Variants in UTRN observed in about 807,000 individuals in gnomAD.
UTRN encodes the protein dystrophin-related protein 1.
UTRN carries 283 observed loss-of-function variants against 463.9 expected under a neutral mutation model. The observed-to-expected ratio is 0.61, with a 90% confidence interval of 0.55 to 0.67. UTRN has a LOEUF of 0.67. Ranked by LOEUF, UTRN falls within the 30% of genes least tolerant of loss-of-function variation. The pLI is 0.00. For missense variants in UTRN, 3,922 were observed against 4,084.3 expected, an observed-to-expected ratio of 0.96 and a Z score of 1.08; for synonymous variants, 1,442 against 1,431.5, an observed-to-expected ratio of 1.01 and a Z score of -0.17.
chr6:144,730,553 T>A, intron 54 of UTRN, 67 bp downstream of exon 54: 1 of 1,449,128 alleles, frequency 6.9e-7, no homozygotes, highest in Non-Finnish European at 9.1e-7. Context: ...CAAAATCAAG[T>A]AGGAAATTTC....
At chr6:144,293,894 ATG>A (rs57561876) in intron 2 of UTRN, among the ~76,000 whole-genome samples, 18,246 of 148,158 alleles carry the variant, frequency 0.12, 1,414 homozygotes, top group African/African-American at 0.23. Context: ...GATGTGTGTG[ATG>A]TGTGTGTGTG....
chr6:144,667,839 A>AT (rs1367504624), intron 51 of UTRN, among the ~76,000 whole-genome samples: 1 of 152,172 alleles, frequency 6.6e-6, no homozygotes, highest in African/African-American at 2.4e-5. Context: ...AGAACCTTGA[A>AT]TCATTATCTG....
At chr6:144,628,165 A>C (rs370448886) in intron 51 of UTRN, among the ~76,000 whole-genome samples, 1 of 152,022 alleles carries the variant, frequency 6.6e-6, no homozygotes, top group African/African-American at 2.4e-5. Context: ...TTTATCATCT[A>C]TGGGTACTTG....
chr6:144,474,916 A>G (rs1374239466), intron 25 of UTRN, among the ~76,000 whole-genome samples, 157 bp downstream of exon 25: 2 of 152,138 alleles, frequency 1.3e-5, no homozygotes, highest in African/African-American at 2.4e-5. Flanking sequence ...AAAAGGCATC[A>G]TTTTTTAAAT....
intron 2 of UTRN, among the ~76,000 whole-genome samples, chr6:144,308,507 GGT>G (rs1008876453): frequency 5.9e-5 from 9 of 152,054 alleles, no homozygotes; most frequent in African/African-American, 2.2e-4. Context: ...TGCCCAGGCT[GGT>G]CTCAAACTCC....
intron 2 of UTRN, among the ~76,000 whole-genome samples, chr6:144,368,304 A>G (rs1411299411): frequency 6.6e-6 from 1 of 152,234 alleles, no homozygotes; most frequent in Admixed American, 6.5e-5. Context: ...CAAACCAGAA[A>G]GACATATGAC....
intron 64 of UTRN, among the ~76,000 whole-genome samples, chr6:144,798,589 A>C (rs748872173): frequency 2.6e-5 from 4 of 151,784 alleles, no homozygotes; most frequent in Non-Finnish European, 4.4e-5. Context: ...ATCCTGATCC[A>C]CTCCTCTTAA....
intron 1 of UTRN, among the ~76,000 whole-genome samples, chr6:144,288,137 A>G (rs953070392): frequency 6.6e-6 from 1 of 152,250 alleles, no homozygotes; most frequent in Non-Finnish European, 1.5e-5. Context: ...GGCTATCACT[A>G]TTTAAATAGC....
At chr6:144,527,152 C>T (rs537459740) in intron 41 of UTRN, among the ~76,000 whole-genome samples, 13 of 152,268 alleles carry the variant, frequency 8.5e-5, no homozygotes, top group African/African-American at 3.1e-4. Context: ...GGATTTGTTT[C>T]AAGACTTAGA....
At chr6:144,436,187 G>A (rs768335113) in intron 10 of UTRN, 49 bp downstream of exon 10, 2 of 1,550,456 alleles carry the variant, frequency 1.3e-6, no homozygotes, top group Non-Finnish European at 1.8e-6. Context: ...CGGGACCTGA[G>A]CCTTAATCAG....
chr6:144,819,385 GT>G (rs1470685516), intron 65 of UTRN, among the ~76,000 whole-genome samples: 9 of 152,196 alleles, frequency 5.9e-5, no homozygotes, highest in African/African-American at 2.2e-4. Context: ...AAATAGTTTG[GT>G]TTTTGTTTTT....
intron 58 of UTRN, among the ~76,000 whole-genome samples, chr6:144,768,302 A>C (rs1793586819): frequency 6.6e-6 from 1 of 152,166 alleles, no homozygotes; most frequent in Admixed American, 6.5e-5. Context: ...TTATTGGCTT[A>C]ATATTTTAAT....
intron 53 of UTRN, among the ~76,000 whole-genome samples, chr6:144,713,968 T>A (rs540723441): frequency 6.6e-5 from 10 of 151,804 alleles, no homozygotes; most frequent in Non-Finnish European, 1.3e-4. Context: ...TTTATTACTA[T>A]GAAAAGCAAA....
chr6:144,778,353 AG>A (rs1193172702), intron 60 of UTRN, among the ~76,000 whole-genome samples: 1 of 152,150 alleles, frequency 6.6e-6, no homozygotes, highest in East Asian at 1.9e-4. Context: ...CATGACAAGA[AG>A]GCCAGGCCTT....
chr6:144,466,405 G>T (rs1173542086), intron 23 of UTRN, among the ~76,000 whole-genome samples: 1 of 152,130 alleles, frequency 6.6e-6, no homozygotes, highest in Admixed American at 6.6e-5. Context: ...TCCATAGCTG[G>T]TTCCTTTTGT....
chr6:144,699,473 GTTTT>G (rs71024902), intron 52 of UTRN, among the ~76,000 whole-genome samples: 725 of 67,552 alleles, frequency 0.011, 12 homozygotes, highest in African/African-American at 0.028. Context: ...TTAGTCAGTG[GTTTT>G]TTTTTTTTTT....
chr6:144,669,003 AC>A (rs1426662420), intron 51 of UTRN, among the ~76,000 whole-genome samples: 2 of 152,184 alleles, frequency 1.3e-5, no homozygotes, highest in African/African-American at 4.8e-5. Context: ...GGAGACTCAC[AC>A]CACATCTTCA....
At chr6:144,471,041 G>A (rs185675357) in intron 23 of UTRN, among the ~76,000 whole-genome samples, 7,215 of 117,688 alleles carry the variant, frequency 0.061, 336 homozygotes, top group African/African-American at 0.087. Flanking sequence ...GACGAGGGAG[G>A]GGGAGAGGGA....
At chr6:144,486,023 C>T (rs575564296) in intron 28 of UTRN, among the ~76,000 whole-genome samples, 23 of 152,290 alleles carry the variant, frequency 1.5e-4, no homozygotes, top group Non-Finnish European at 2.8e-4. Flanking sequence ...GAAATGTACC[C>T]GATGCTTTGT....
Sources: gnomAD v4.1 joint callset for allele counts (sites outside exome capture counted in the v4.1 genomes callset) on GRCh38, gnomAD v4.1.1 for gene constraint, MANE v1.5 for transcripts, NCBI Gene and HGNC (gene_info 2026-07-23, HGNC 2026-07-21) for gene names.